The following MED19 variants were observed in gnomAD, a reference collection of about 807,000 sequenced individuals.
MED19 encodes the protein mediator of RNA polymerase II transcription subunit 19.
MED19 carries 4 observed loss-of-function variants against 19.9 expected under a neutral mutation model. That is an observed-to-expected ratio of 0.20 (90% CI 0.10 to 0.46). The LOEUF (loss-of-function observed/expected upper bound fraction) is 0.46, where lower values mean the gene tolerates loss of function less well. Ranked by LOEUF, MED19 falls within the 20% of genes least tolerant of loss-of-function variation. The probability of loss-of-function intolerance (pLI) is 0.99; values close to 1 mark genes in which losing one functional copy is unlikely to be tolerated. For synonymous variants in MED19, 139 were observed against 119.6 expected, an observed-to-expected ratio of 1.16 and a Z score of -1.06; for missense variants, 303 against 318.7, an observed-to-expected ratio of 0.95 and a Z score of 0.38.
chr11:57,708,978 CTTATA>C (rs1373419886), intron 1 of MED19, among the ~76,000 whole-genome samples: 2 of 152,270 alleles, frequency 1.3e-5, no homozygotes, highest in Non-Finnish European at 2.9e-5. Context: ...TTAAATACTA[CTTATA>C]TTAAATACTG....
intron 1 of MED19, among the ~76,000 whole-genome samples, chr11:57,706,852 C>T (rs1264338799): frequency 6.6e-6 from 1 of 152,216 alleles, no homozygotes; most frequent in Non-Finnish European, 1.5e-5. Flanking sequence ...TAATAGCTAT[C>T]TTACATACAC....
intron 4 of MED19, 55 bp downstream of exon 4, chr11:57,704,247 C>A: frequency 6.5e-7 from 1 of 1,528,660 alleles, no homozygotes; most frequent in South Asian, 1.2e-5. Flanking sequence ...GTATTTAGGA[C>A]AGGGGTGAGA....
rs552928627 is a variant in MED19, at chr11:57,703,751, C to T, written c.*287G>A. The T allele has an allele frequency of 3.3e-4, 116 of 346,682 alleles. 1 individual carries two copies. The highest frequency in any genetic ancestry group is 2.4e-3 in the African/African-American group (112 of 47,518). The allele number at this position is 346,682 out of a possible 1,614,324, so 21.5% of individuals were successfully genotyped here. On this transcript the variant is annotated 3_prime_UTR_variant, in exon 5 of 5. Coordinates refer to ENST00000431606, the Ensembl canonical transcript of MED19. ...AATTTTTTTTTTTTTAAAGAAAACA[C>T]AGAACAAGTCCTAAATCAGACAAAT...
At chr11:57,708,128 CCAA>C (rs1203708565) in intron 1 of MED19, among the ~76,000 whole-genome samples, 1 of 151,700 alleles carries the variant, frequency 6.6e-6, no homozygotes, top group African/African-American at 2.4e-5. Flanking sequence ...ACCACCCTGC[CCAA>C]CAAGATAAAA....
chr11:57,710,353 C>A (rs56406844), intron 1 of MED19, among the ~76,000 whole-genome samples: 5,761 of 152,258 alleles, frequency 0.038, 163 homozygotes, highest in Non-Finnish European at 0.057. Flanking sequence ...CACAGTGAGA[C>A]CTTGTGTCTA....
At chr11:57,709,888 C>G (rs1165906471) in intron 1 of MED19, among the ~76,000 whole-genome samples, 1 of 152,184 alleles carries the variant, frequency 6.6e-6, no homozygotes, top group Non-Finnish European at 1.5e-5. Flanking sequence ...ACCCTGTCAG[C>G]TCTACCTCTA....
At chr11:57,708,651 T>C (rs1381151820) in intron 1 of MED19, among the ~76,000 whole-genome samples, 2 of 152,156 alleles carry the variant, frequency 1.3e-5, no homozygotes, top group Non-Finnish European at 2.9e-5. Flanking sequence ...ACAGGAAATA[T>C]AGTCACTATC....
chr11:57,709,187 G>C (rs1203393729), intron 1 of MED19, among the ~76,000 whole-genome samples: 1 of 152,164 alleles, frequency 6.6e-6, no homozygotes, highest in South Asian at 2.1e-4. Flanking sequence ...TTTGAGATCT[G>C]CCTGACCAAC....
At position 57,704,110 on chromosome 11, in the gene MED19, G is replaced by C. The variant is rs1351365575; in HGVS notation, c.667-4C>G. 2.0e-6 allele frequency: 3 copies of C among 1,536,028 alleles called. No individual in the cohort carries two copies. The highest frequency in any genetic ancestry group is 1.4e-5 in the African/African-American group (1 of 73,034). On this transcript the variant is annotated splice_polypyrimidine_tract_variant and splice_region_variant and intron_variant, in intron 4 of 4. Coordinates refer to ENST00000431606, the Ensembl canonical transcript of MED19. The stretch of plus-strand genomic sequence containing the variant: ...GGTGGTCTGGACTATGTCGATTCTG[G>C]GGGAGAAAGAAGCAGGGTAAGAACA...
chr11:57,703,992 C>A (rs1254610946), exon 5 of MED19: 1 of 1,534,102 alleles, frequency 6.5e-7, no homozygotes, highest in Middle Eastern at 1.9e-4. Context: ...TCAGCAGGTT[C>A]AGTACAGCAG....
intron 1 of MED19, among the ~76,000 whole-genome samples, chr11:57,705,470 C>T (rs949914453): frequency 5.3e-5 from 8 of 151,958 alleles, no homozygotes; most frequent in Admixed American, 6.6e-5. Flanking sequence ...GCTAACAACA[C>T]GGTGAAACTC....
At chr11:57,706,113 G>C (rs1189257041) in intron 1 of MED19, among the ~76,000 whole-genome samples, 1 of 151,810 alleles carries the variant, frequency 6.6e-6, no homozygotes, top group Non-Finnish European at 1.5e-5. Flanking sequence ...TCTTCCTCGT[G>C]ATACTGAGTA....
chr11:57,703,746 AAACAC>A (rs1946475531), exon 5 of MED19: 2 of 338,226 alleles, frequency 5.9e-6, no homozygotes, highest in African/African-American at 4.2e-5. Flanking sequence ...TTTTTAAAGA[AAACAC>A]AGAACAAGTC....
At chr11:57,711,598 C>CCCGCCT (rs1304920123) in intron 1 of MED19, among the ~76,000 whole-genome samples, 2 of 151,962 alleles carry the variant, frequency 1.3e-5, no homozygotes, top group African/African-American at 4.8e-5. Context: ...AGGTGATTCG[C>CCCGCCT]CCGCCTCCGC....
rs189487941 is a variant in MED19 at position 57,709,470 on chromosome 11, C to A, written c.217+2493G>T. Among the ~76,000 whole-genome samples the A allele has an allele frequency of 2.6e-5, 4 of 152,186 alleles. No individual in the cohort carries two copies. In the East Asian group the frequency reaches 7.7e-4, roughly 29 times the overall value. ...CTCTTCAAACTTGTTCCTTCCTCAT[C>A]TTCCAAGTCTCCGTACCCATACACC... is the stretch of plus-strand genomic sequence containing the variant. On this transcript the variant is annotated intron_variant, in intron 1 of 4. Transcript: ENST00000431606.
At chr11:57,704,205 C>A in intron 4 of MED19, 97 bp downstream of exon 4, 1 of 1,526,050 alleles carries the variant, frequency 6.6e-7, no homozygotes, top group Non-Finnish European at 8.7e-7. Context: ...GGTTTTCAAT[C>A]TTGGGTCCAA....
At chr11:57,708,555 A>C (rs769298916) in intron 1 of MED19, among the ~76,000 whole-genome samples, 2 of 152,238 alleles carry the variant, frequency 1.3e-5, no homozygotes, top group Non-Finnish European at 2.9e-5. Flanking sequence ...ACACACTTTG[A>C]AAACCATTAG....
chr11:57,704,810 C>A, exon 3 of MED19: 1 of 1,613,520 alleles, frequency 6.2e-7, no homozygotes, highest in Non-Finnish European at 8.5e-7. Flanking sequence ...GACACTGCTC[C>A]GGCAACTGAA....
intron 1 of MED19, 94 bp downstream of exon 1, chr11:57,711,869 G>A: frequency 7.5e-7 from 1 of 1,337,216 alleles, no homozygotes; most frequent in East Asian, 3.0e-5. Context: ...CGTTGCCTAG[G>A]TTACCTCGCA....
Sources: gnomAD v4.1 joint callset for allele counts (sites outside exome capture counted in the v4.1 genomes callset) on GRCh38, gnomAD v4.1.1 for gene constraint, MANE v1.5 for transcripts, NCBI Gene and HGNC (gene_info 2026-07-23, HGNC 2026-07-21) for gene names.